The following SLC35F2 variants were observed in gnomAD, a reference collection of about 807,000 sequenced individuals.
SLC35F2 encodes queuine/queuosine transporter SLC35F2.
SLC35F2 carries 25 observed loss-of-function variants against 38.1 expected under a neutral mutation model. That is an observed-to-expected ratio of 0.66 (90% CI 0.48 to 0.92). The LOEUF (loss-of-function observed/expected upper bound fraction) is 0.92, where lower values mean the gene tolerates loss of function less well. SLC35F2 is among the 40% of genes least tolerant of loss of function. The probability of loss-of-function intolerance (pLI) is 0.00; values close to 1 mark genes in which losing one functional copy is unlikely to be tolerated. For missense variants in SLC35F2, 409 were observed against 452.9 expected (o/e 0.90, Z 0.88); for synonymous variants, 173 against 181.7 (o/e 0.95, Z 0.38).
At chr11:107,818,056 C>CAAA (rs57787130) in intron 1 of SLC35F2, among the ~76,000 whole-genome samples, 1 of 66,152 alleles carries the variant, frequency 1.5e-5, no homozygotes, top group Non-Finnish European at 3.0e-5. Flanking sequence ...GACTCTGTCT[C>CAAA]AAAAAAAAAA....
chr11:107,854,501 T>A (rs113138610), intron 1 of SLC35F2, among the ~76,000 whole-genome samples: 1,990 of 152,274 alleles, frequency 0.013, 15 homozygotes, highest in Non-Finnish European at 0.021. Flanking sequence ...TGGAAGTCTA[T>A]GGTCTTCTAT....
intron 1 of SLC35F2, among the ~76,000 whole-genome samples, chr11:107,851,065 C>A (rs1860175498): frequency 6.6e-6 from 1 of 151,782 alleles, no homozygotes; most frequent in South Asian, 2.1e-4. Context: ...GAGTTCGAGA[C>A]CAGCCTGGCC....
intron 1 of SLC35F2, among the ~76,000 whole-genome samples, chr11:107,845,175 C>T (rs1860086355): frequency 6.6e-6 from 1 of 152,042 alleles, no homozygotes; most frequent in African/African-American, 2.4e-5. Flanking sequence ...TAGGAATATC[C>T]CCACAATTCT....
chr11:107,792,855 C>G (rs1275677466), intron 7 of SLC35F2, 55 bp from the exon 8 acceptor site: 2 of 1,458,102 alleles, frequency 1.4e-6, no homozygotes, highest in Non-Finnish European at 1.8e-6. Context: ...ATCTTTGCTG[C>G]TGGCTTTTGC....
At chr11:107,835,589 C>T (rs183238327) in intron 1 of SLC35F2, among the ~76,000 whole-genome samples, 10 of 152,154 alleles carry the variant, frequency 6.6e-5, no homozygotes, top group East Asian at 5.8e-4. Context: ...ACCACCATGC[C>T]CAGCTAATTT....
chr11:107,839,757 G>A (rs1448728196), intron 1 of SLC35F2, among the ~76,000 whole-genome samples: 2 of 152,090 alleles, frequency 1.3e-5, no homozygotes, highest in South Asian at 2.1e-4. Context: ...GGGTTCAAGC[G>A]ATTCTCTTGC....
At chr11:107,811,239 C>T (rs939168327) in intron 3 of SLC35F2, 58 of 985,272 alleles carry the variant, frequency 5.9e-5, no homozygotes, top group Admixed American at 1.8e-4. Context: ...CTGGCTACCA[C>T]CTCTCCCAAA....
chr11:107,853,712 T>G (rs1282815779), intron 1 of SLC35F2, among the ~76,000 whole-genome samples: 1 of 96,216 alleles, frequency 1.0e-5, no homozygotes, highest in Non-Finnish European at 1.9e-5. Flanking sequence ...AGAGCGAGAC[T>G]CCGTCTCAAA....
chr11:107,844,016 C>T (rs1860063161), intron 1 of SLC35F2, among the ~76,000 whole-genome samples: 1 of 151,236 alleles, frequency 6.6e-6, no homozygotes, highest in Non-Finnish European at 1.5e-5. Context: ...AAATAATGCT[C>T]CCAGAAGATG....
intron 1 of SLC35F2, among the ~76,000 whole-genome samples, chr11:107,838,425 A>G (rs1364936830): frequency 6.6e-6 from 1 of 152,012 alleles, no homozygotes; most frequent in Non-Finnish European, 1.5e-5. Context: ...CCTGGGTTCA[A>G]GCGATTCTCC....
chr11:107,852,379 G>A (rs754927004), intron 1 of SLC35F2, among the ~76,000 whole-genome samples: 2 of 151,928 alleles, frequency 1.3e-5, no homozygotes, highest in South Asian at 2.1e-4. Flanking sequence ...GTGAAACCCC[G>A]TCTCTACTAA....
chr11:107,827,892 T>C (rs12289394), intron 1 of SLC35F2, among the ~76,000 whole-genome samples: 12,466 of 151,992 alleles, frequency 0.082, 1,436 homozygotes, highest in African/African-American at 0.26. Context: ...GCCTGGGCGA[T>C]AGAGTAATAC....
rs1860180584 is a variant in SLC35F2 at position 107,851,272 on chromosome 11, A to G, written c.110+7386T>C. Among the ~76,000 whole-genome samples, 11 of 151,128 alleles carry G rather than the reference A, an allele frequency of 7.3e-5. No homozygotes were observed. The South Asian group carries it at 1.9e-3, about 26-fold the overall frequency. ...AGTGAGATGCTGTCTCAAAAAAAAAAAAAGAAAGAAAGAAACCCTGTCTTT... is the reference window on the plus strand; with the variant it reads ...AGTGAGATGCTGTCTCAAAAAAAAAGAAAGAAAGAAAGAAACCCTGTCTTT... On this transcript the variant is annotated intron_variant, in intron 1 of 7. Transcript: ENST00000525815.
chr11:107,830,789 A>G (rs557162321), intron 1 of SLC35F2, among the ~76,000 whole-genome samples: 1 of 152,236 alleles, frequency 6.6e-6, no homozygotes, highest in South Asian at 2.1e-4. Context: ...CTTGCTAATC[A>G]GAAGTTCAGG....
At chr11:107,816,487 A>G (rs572122378) in intron 1 of SLC35F2, among the ~76,000 whole-genome samples, 2 of 118,204 alleles carry the variant, frequency 1.7e-5, no homozygotes, top group Admixed American at 2.0e-4. Context: ...GGGTTTCACT[A>G]TGTTGCTCAG....
chr11:107,807,293 C>A (rs12574881), intron 3 of SLC35F2, among the ~76,000 whole-genome samples: 4,071 of 64,654 alleles, frequency 0.063, 181 homozygotes, highest in African/African-American at 0.13. Context: ...AAAACAACAA[C>A]AAAAAAAAAC....
chr11:107,803,548 T>C, intron 6 of SLC35F2: 2 of 970,156 alleles, frequency 2.1e-6, no homozygotes, highest in South Asian at 4.8e-5. Context: ...TTTTCTTTGC[T>C]TTTGTTTGGT....
chr11:107,853,793 G>A (rs1277745786), intron 1 of SLC35F2, among the ~76,000 whole-genome samples: 2 of 150,154 alleles, frequency 1.3e-5, no homozygotes, highest in Admixed American at 6.6e-5. Flanking sequence ...AAAGGAACAT[G>A]ATAAAACTCA....
chr11:107,832,541 G>A (rs1279785030), intron 1 of SLC35F2, among the ~76,000 whole-genome samples: 2 of 152,204 alleles, frequency 1.3e-5, no homozygotes, highest in African/African-American at 2.4e-5. Context: ...GGTGGCTCAT[G>A]CCTGTAATCC....
Sources: allele counts gnomAD v4.1 joint callset (sites outside exome capture counted in the v4.1 genomes callset), GRCh38; gene constraint gnomAD v4.1.1; transcripts MANE v1.5; gene names NCBI Gene and HGNC (gene_info 2026-07-23, HGNC 2026-07-21).